PCDHA11: variants seen among roughly 807,000 people sequenced by gnomAD.
PCDHA11 encodes the protein protocadherin alpha 11.
A neutral mutation model predicts 70.3 loss-of-function variants in PCDHA11; 61 were observed. That is an observed-to-expected ratio of 0.87 (90% CI 0.71 to 1.07). The LOEUF (loss-of-function observed/expected upper bound fraction) is 1.07, where lower values mean the gene tolerates loss of function less well. Among genes scored for constraint, PCDHA11 ranks in the 50% least tolerant of loss-of-function variants. The probability of loss-of-function intolerance (pLI) is 0.00; values close to 1 mark genes in which losing one functional copy is unlikely to be tolerated. For synonymous variants in PCDHA11, 633 were observed against 555.1 expected (o/e 1.14, Z -1.97); for missense variants, 1,324 against 1,237.5 (o/e 1.07, Z -1.05).
Position 140,870,992 on chromosome 5 carries a change from T to C in PCDHA11, c.1889T>C (p.Ile630Thr), listed in dbSNP as rs782714479. 6.2e-7 allele frequency: 1 copy of C among 1,613,478 alleles called. No individual in the cohort carries two copies. The highest frequency in any genetic ancestry group is 1.1e-5 in the South Asian group (1 of 91,064). Reference sequence around the variant, plus strand: ...CGCGTGGGGCTGTACACGGGCGAGATAAGCACAACGCGTGCCCTGGACGAG... The same window carrying C: ...CGCGTGGGGCTGTACACGGGCGAGACAAGCACAACGCGTGCCCTGGACGAG... The part of the protein sequence containing the change: ...PFRVGLYTGE[I>T]STTRALDEAD... Residue 630 changes from isoleucine (I) to threonine (T), a missense_variant, in exon 1 of 4, where the codon ATA becomes ACA. Transcript: ENST00000398640.
At chr5:140,874,845 A>G (rs1201887753) in intron 1 of PCDHA11, among the ~76,000 whole-genome samples, 1 of 152,236 alleles carries the variant, frequency 6.6e-6, no homozygotes, top group Non-Finnish European at 1.5e-5. Flanking sequence ...GGTATTAGAC[A>G]TATTTTAGTT....
chr5:140,878,318 C>T (rs2057536608), intron 1 of PCDHA11, among the ~76,000 whole-genome samples: 1 of 152,176 alleles, frequency 6.6e-6, no homozygotes, highest in African/African-American at 2.4e-5. Context: ...TAGACATTTT[C>T]ACATTATATT....
At chr5:140,886,772 G>A (rs910164045) in intron 1 of PCDHA11, among the ~76,000 whole-genome samples, 16 of 143,450 alleles carry the variant, frequency 1.1e-4, no homozygotes, top group Non-Finnish European at 1.8e-4. Flanking sequence ...GTTGCAGTGA[G>A]ATGAGATCAT....
chr5:140,984,492 T>C (rs2097106044), intron 3 of PCDHA11, among the ~76,000 whole-genome samples: 1 of 152,224 alleles, frequency 6.6e-6, no homozygotes, highest in Non-Finnish European at 1.5e-5. Context: ...TATCCAGAAC[T>C]GTGCCTGGCT....
At chr5:140,975,765 CAG>C (rs1179625862) in intron 1 of PCDHA11, among the ~76,000 whole-genome samples, 1 of 152,220 alleles carries the variant, frequency 6.6e-6, no homozygotes, top group Non-Finnish European at 1.5e-5. Flanking sequence ...TCATAAATCA[CAG>C]ATAATACCAT....
chr5:140,893,195 C>T (rs1445634918), intron 1 of PCDHA11, among the ~76,000 whole-genome samples: 2 of 152,164 alleles, frequency 1.3e-5, no homozygotes, highest in Admixed American at 1.3e-4. Context: ...GTGAATAGTG[C>T]TGCAGTAAGT....
intron 1 of PCDHA11, among the ~76,000 whole-genome samples, chr5:140,917,545 C>G (rs1049973588): frequency 6.6e-6 from 1 of 152,212 alleles, no homozygotes; most frequent in Non-Finnish European, 1.5e-5. Flanking sequence ...TTAGGTTTTA[C>G]ATTTAACTCT....
At chr5:140,951,542 A>AG (rs1554219955) in intron 1 of PCDHA11, among the ~76,000 whole-genome samples, 1 of 151,820 alleles carries the variant, frequency 6.6e-6, no homozygotes, top group African/African-American at 2.4e-5. Context: ...GGAGCAAGGG[A>AG]CGGGGGGAAG....
chr5:140,870,413 C>T lies in PCDHA11; in HGVS notation c.1310C>T (p.Thr437Met), dbSNP rs200037363. The T allele has an allele frequency of 1.2e-6, 2 of 1,614,242 alleles. No homozygotes were observed. The highest frequency in any genetic ancestry group is 2.2e-5 in the South Asian group (2 of 91,088). ...RDGGSPSLWA[T>M]ARVSVEVADV... ...GGGGGTTCGCCTTCTCTGTGGGCCA[C>T]GGCCAGGGTATCCGTGGAGGTGGCC... Residue 437 changes from threonine (T) to methionine (M), a missense_variant, in exon 1 of 4, where the codon ACG becomes ATG. By Grantham distance (81) the Thr-to-Met change is moderately conservative (BLOSUM62 -1). Coordinates refer to ENST00000398640, the MANE Select transcript of PCDHA11 (RefSeq NM_018902.5).
At chr5:140,926,925 G>A (rs1554203816) in intron 1 of PCDHA11, 1 of 1,574,118 alleles carries the variant, frequency 6.4e-7, no homozygotes, top group Admixed American at 1.8e-5. Flanking sequence ...TTTTATGTTT[G>A]TGGGTTTCCT....
chr5:140,869,704 G>C lies in PCDHA11; in HGVS notation c.601G>C (p.Asp201His). 6.2e-7 allele frequency: 1 copy of C among 1,613,400 alleles called. No individual in the cohort carries two copies. Among genetic ancestry groups the C allele is most frequent in the Non-Finnish European group, 8.5e-7 (1 of 1,179,866 alleles). Reference protein sequence around the residue: ...RLSLILKKSLDREKTPELNLL... With the variant: ...RLSLILKKSLHREKTPELNLL... ...GTCACTTATTTTAAAGAAGTCTCTG[G>C]ATAGAGAGAAAACTCCGGAACTTAA... is the stretch of plus-strand genomic sequence containing the variant. Residue 201 changes from aspartate (D) to histidine (H), a missense_variant, in exon 1 of 4, where the codon GAT (aspartate) becomes CAT (histidine). Coordinates refer to ENST00000398640, the MANE Select transcript of PCDHA11 (RefSeq NM_018902.5).
intron 1 of PCDHA11, among the ~76,000 whole-genome samples, chr5:140,934,108 T>C (rs574657499): frequency 6.6e-6 from 1 of 152,276 alleles, no homozygotes; most frequent in East Asian, 1.9e-4. Flanking sequence ...TCTATTTTAT[T>C]AATTTTCATA....
intron 1 of PCDHA11, chr5:140,883,811 G>C (rs782535066): frequency 6.2e-7 from 1 of 1,612,586 alleles, no homozygotes; most frequent in South Asian, 1.1e-5. Context: ...CGCGGAGAGC[G>C]GCAAGGTGTA....
chr5:140,869,687 T>C lies in PCDHA11; in HGVS notation c.584T>C (p.Ile195Thr). ...NGKQIKRLSLILKKSLDREKT... is the reference protein window; with the variant it reads ...NGKQIKRLSLTLKKSLDREKT... ...AAGCAGATTAAAAGACTGTCACTTATTTTAAAGAAGTCTCTGGATAGAGAG... is the reference window on the plus strand; with the variant it reads ...AAGCAGATTAAAAGACTGTCACTTACTTTAAAGAAGTCTCTGGATAGAGAG... Residue 195 changes from isoleucine to threonine, a missense_variant, in exon 1 of 4, where the codon ATT becomes ACT. Ile to Thr is a moderately conservative substitution (Grantham distance 89). Transcript: ENST00000398640. 6.2e-7 allele frequency: 1 copy of C among 1,613,474 alleles called. No individual in the cohort carries two copies. Among genetic ancestry groups the C allele is most frequent in the Non-Finnish European group, 8.5e-7 (1 of 1,179,884 alleles).
chr5:140,876,034 A>G, intron 1 of PCDHA11: 1 of 1,613,792 alleles, frequency 6.2e-7, no homozygotes, highest in Admixed American at 1.7e-5. Flanking sequence ...AAAAAAAGAT[A>G]AAAGTATATT....
intron 1 of PCDHA11, chr5:140,875,768 G>C (rs997656321): frequency 6.2e-7 from 1 of 1,614,144 alleles, no homozygotes; most frequent in African/African-American, 1.3e-5. Flanking sequence ...TGCGGGCGGA[G>C]CGCGGAGTGC....
intron 1 of PCDHA11, chr5:140,876,798 C>T: frequency 6.2e-7 from 1 of 1,614,180 alleles, no homozygotes; most frequent in Non-Finnish European, 8.5e-7. Context: ...CTAGAGTGTC[C>T]GTGGAGGTGG....
At chr5:140,921,435 A>C (rs997660613) in intron 1 of PCDHA11, among the ~76,000 whole-genome samples, 4 of 152,120 alleles carry the variant, frequency 2.6e-5, no homozygotes, top group African/African-American at 4.8e-5. Flanking sequence ...ATTTTCTTCA[A>C]TGGTGTCTGA....
chr5:141,006,207 T>C (rs1434083054), intron 3 of PCDHA11, among the ~76,000 whole-genome samples: 4 of 150,998 alleles, frequency 2.6e-5, no homozygotes, highest in Non-Finnish European at 5.9e-5. Context: ...TTATGCCTCA[T>C]TTTTTTTTAA....
Sources: allele counts gnomAD v4.1 joint callset (sites outside exome capture counted in the v4.1 genomes callset), GRCh38; gene constraint gnomAD v4.1.1; transcripts MANE v1.5; gene names NCBI Gene and HGNC (gene_info 2026-07-23, HGNC 2026-07-21).